CALN1: variants seen among roughly 807,000 people sequenced by gnomAD.
CALN1 encodes calcium-binding protein 8.
In CALN1, 17 loss-of-function variants were observed where a neutral mutation model predicts 30.6. The ratio of observed to expected loss-of-function variants is 0.56; its 90% CI spans 0.38 to 0.83. The LOEUF (loss-of-function observed/expected upper bound fraction) is 0.83, where lower values mean the gene tolerates loss of function less well. CALN1 is among the 40% of genes least tolerant of loss of function. The probability of loss-of-function intolerance (pLI) is 0.00; values close to 1 mark genes in which losing one functional copy is unlikely to be tolerated. For synonymous variants in CALN1, 156 were observed against 131.4 expected (o/e 1.19, Z -1.28); for missense variants, 291 against 354.9 (o/e 0.82, Z 1.45).
Position 72,255,961 on chromosome 7 carries a change from C to A in CALN1, c.244+22725G>T, listed in dbSNP as rs1291729920. Reference sequence around the variant, plus strand: ...GTCAGGCTGGTCTCAAACTCCTGACCTCGTGATCCACCCGCCTCGGCCTCC... The same window carrying A: ...GTCAGGCTGGTCTCAAACTCCTGACATCGTGATCCACCCGCCTCGGCCTCC... On this transcript the variant is annotated intron_variant, in intron 3 of 6. Coordinates refer to ENST00000395275, the MANE Select transcript of CALN1 (RefSeq NM_031468.4). 5.3e-5 allele frequency among the ~76,000 whole-genome samples: 8 copies of A among 152,260 alleles called. No homozygotes were observed. In the East Asian group the frequency reaches 1.4e-3, roughly 26 times the overall value.
At chr7:72,107,020 GAAA>G (rs762841895) in intron 3 of CALN1, among the ~76,000 whole-genome samples, 10 of 151,734 alleles carry the variant, frequency 6.6e-5, no homozygotes, top group Middle Eastern at 3.4e-3. Context: ...GAAAGAAAGA[GAAA>G]AAAAGAAAAA....
At chr7:72,121,176 T>C (rs951246947) in intron 3 of CALN1, among the ~76,000 whole-genome samples, 3 of 144,828 alleles carry the variant, frequency 2.1e-5, no homozygotes, top group Non-Finnish European at 3.0e-5. Flanking sequence ...TTATATATAA[T>C]TATATATTAT....
intron 2 of CALN1, among the ~76,000 whole-genome samples, chr7:72,335,122 A>G (rs1168806354): frequency 6.6e-6 from 1 of 152,218 alleles, no homozygotes; most frequent in Non-Finnish European, 1.5e-5. Context: ...GGTAGCAGAT[A>G]AAAATCAAAA....
At chr7:72,240,405 G>T (rs1011804343) in intron 3 of CALN1, among the ~76,000 whole-genome samples, 12 of 152,030 alleles carry the variant, frequency 7.9e-5, no homozygotes, top group Non-Finnish European at 1.8e-4. Flanking sequence ...CTGTTGTACA[G>T]GCTGATCTTG....
intron 2 of CALN1, among the ~76,000 whole-genome samples, chr7:72,388,577 G>A (rs953198224): frequency 1.1e-4 from 16 of 152,184 alleles, no homozygotes; most frequent in African/African-American, 2.7e-4. Flanking sequence ...TGGGCACTCT[G>A]TGCTATCTTT....
At chr7:72,400,132 A>T (rs1381622969) in intron 2 of CALN1, among the ~76,000 whole-genome samples, 2 of 152,102 alleles carry the variant, frequency 1.3e-5, no homozygotes, top group African/African-American at 4.8e-5. Flanking sequence ...ATAGCAGCAC[A>T]AAACGGACTA....
chr7:72,010,268 A>G (rs1799997691), intron 5 of CALN1, among the ~76,000 whole-genome samples: 1 of 152,192 alleles, frequency 6.6e-6, no homozygotes, highest in Admixed American at 6.5e-5. Context: ...CAAGGGATGA[A>G]GGGATAAAAG....
intron 5 of CALN1, among the ~76,000 whole-genome samples, chr7:71,921,219 G>A (rs1263985134): frequency 6.6e-6 from 1 of 152,102 alleles, no homozygotes; most frequent in African/African-American, 2.4e-5. Context: ...AGGGAGTGGG[G>A]GTCTAGGGAA....
intron 6 of CALN1, among the ~76,000 whole-genome samples, chr7:71,795,834 T>C (rs1358585871): frequency 6.8e-6 from 1 of 148,076 alleles, no homozygotes; most frequent in Non-Finnish European, 1.5e-5. Context: ...TTTTTTTTTT[T>C]TTGAGACAGA....
chr7:72,400,136 C>T (rs774976564), intron 2 of CALN1, among the ~76,000 whole-genome samples: 8 of 152,070 alleles, frequency 5.3e-5, no homozygotes, highest in East Asian at 1.9e-4. Context: ...CAGCACAAAA[C>T]GGACTAATAC....
the CALN1 span, among the ~76,000 whole-genome samples, chr7:72,491,116 C>T: frequency 2.6e-5 from 4 of 151,948 alleles, no homozygotes; most frequent in South Asian, 2.1e-4. Flanking sequence ...TGGTGGCAGG[C>T]GCCTGTAGTC....
chr7:72,304,860 T>C (rs1799541274), intron 2 of CALN1, among the ~76,000 whole-genome samples: 1 of 152,208 alleles, frequency 6.6e-6, no homozygotes, highest in Admixed American at 6.5e-5. Context: ...TATTTAGTTG[T>C]TTAACCTCTC....
chr7:72,279,941 G>T (rs2129554142), intron 2 of CALN1, among the ~76,000 whole-genome samples: 1 of 152,276 alleles, frequency 6.6e-6, no homozygotes, highest in Non-Finnish European at 1.5e-5. Context: ...TTGTATCGGA[G>T]CTTCTGGAAA....
intron 6 of CALN1, among the ~76,000 whole-genome samples, chr7:71,791,936 G>A (rs921050278): frequency 6.6e-6 from 1 of 152,044 alleles, no homozygotes; most frequent in Non-Finnish European, 1.5e-5. Flanking sequence ...GTGTGAACCC[G>A]GGAGGCAGAG....
At chr7:72,228,996 T>C (rs185867829) in intron 3 of CALN1, among the ~76,000 whole-genome samples, 6 of 151,334 alleles carry the variant, frequency 4.0e-5, no homozygotes, top group Admixed American at 6.6e-5. Flanking sequence ...CAGGCTGGTC[T>C]TGAACTCCTG....
At chr7:72,194,842 G>A (rs1018919378) in intron 3 of CALN1, among the ~76,000 whole-genome samples, 14 of 151,758 alleles carry the variant, frequency 9.2e-5, no homozygotes, top group South Asian at 8.3e-4. Context: ...CATCTGTCTC[G>A]GCCTCCCAAA....
At chr7:71,978,923 C>A (rs541327532) in intron 5 of CALN1, among the ~76,000 whole-genome samples, 1 of 152,348 alleles carries the variant, frequency 6.6e-6, no homozygotes, top group African/African-American at 2.4e-5. Flanking sequence ...CTTATAAGCA[C>A]AGGCACCAAA....
At chr7:72,304,768 G>C (rs1799534084) in intron 2 of CALN1, among the ~76,000 whole-genome samples, 2 of 152,084 alleles carry the variant, frequency 1.3e-5, no homozygotes, top group African/African-American at 4.8e-5. Context: ...TATATTTATA[G>C]AGATATATAA....
chr7:71,820,629 G>A (rs750941201), intron 5 of CALN1, among the ~76,000 whole-genome samples: 2 of 152,196 alleles, frequency 1.3e-5, no homozygotes, highest in South Asian at 4.2e-4. Context: ...TAACTCTTTG[G>A]GGTATATACC....
Sources: gnomAD v4.1 joint callset for allele counts (sites outside exome capture counted in the v4.1 genomes callset) on GRCh38, gnomAD v4.1.1 for gene constraint, MANE v1.5 for transcripts, NCBI Gene and HGNC (gene_info 2026-07-23, HGNC 2026-07-21) for gene names.